CLCA2: variants seen among roughly 807,000 people sequenced by gnomAD.
The protein encoded by CLCA2 is calcium-activated chloride channel regulator 2.
Under a neutral mutation model 82.9 loss-of-function variants are expected in CLCA2, and 85 were observed. That is an observed-to-expected ratio of 1.03 (90% CI 0.86 to 1.23). The LOEUF (loss-of-function observed/expected upper bound fraction) is 1.23. CLCA2 is among the 50% of genes most tolerant of loss of function. CLCA2 has a pLI of 0.00. For missense variants in CLCA2, 1,089 were observed against 1,124.8 expected, an observed-to-expected ratio of 0.97 and a Z score of 0.45; for synonymous variants, 421 against 391.7, an observed-to-expected ratio of 1.07 and a Z score of -0.88.
At chr1:86,440,794 G>A (rs12083761) in intron 8 of CLCA2, among the ~76,000 whole-genome samples, 10,234 of 152,006 alleles carry the variant, frequency 0.067, 365 homozygotes, top group Middle Eastern at 0.12. Flanking sequence ...CCAGCTACTC[G>A]GGAGGCTGAG....
At chr1:86,429,535 G>A (rs1051491342) in intron 3 of CLCA2, among the ~76,000 whole-genome samples, 5 of 152,148 alleles carry the variant, frequency 3.3e-5, no homozygotes, top group African/African-American at 1.2e-4. Flanking sequence ...AGGGAAAGTG[G>A]TTCAGCCTGT....
At position 86,425,346 on chromosome 1, in the gene CLCA2, T is replaced by A; in HGVS notation, c.194T>A (p.Ile65Lys). 1 of 1,555,886 alleles carries A rather than the reference T, an allele frequency of 6.4e-7. No homozygotes were observed. Among genetic ancestry groups the A allele is most frequent in the Non-Finnish European group, 8.7e-7 (1 of 1,153,876 alleles). ...QNLISNIKEM[I>K]TEASFYLFNA... is the part of the protein sequence containing the mutation. Reference sequence around the variant, plus strand: ...TCTTTTGTCTGGCTGTAGGAAATGATAACTGAAGCTTCATTTTACCTATTT... The same window carrying A: ...TCTTTTGTCTGGCTGTAGGAAATGAAAACTGAAGCTTCATTTTACCTATTT... Residue 65 changes from isoleucine to lysine, a missense_variant, in exon 2 of 14, where the codon ATA (isoleucine) becomes AAA (lysine). By Grantham distance (102) the Ile-to-Lys change is moderately radical. Transcript: ENST00000370565.
chr1:86,451,165 G>A (rs906199374), intron 12 of CLCA2, among the ~76,000 whole-genome samples: 1 of 152,184 alleles, frequency 6.6e-6, no homozygotes. Flanking sequence ...AAATAAATAT[G>A]AGCTTGGGTG....
intron 12 of CLCA2, 49 bp from the exon 13 acceptor site, chr1:86,453,319 AG>A: frequency 7.0e-7 from 1 of 1,433,056 alleles, no homozygotes; most frequent in Non-Finnish European, 9.8e-7. Context: ...CAAGCTATTC[AG>A]AAGCTTTGTA....
chr1:86,450,099 G>T (rs1160802499), intron 11 of CLCA2, among the ~76,000 whole-genome samples: 1 of 152,206 alleles, frequency 6.6e-6, no homozygotes, highest in East Asian at 1.9e-4. Flanking sequence ...ATTTATTAAA[G>T]GTCCTTAATC....
chr1:86,444,814 T>G (rs1471990913), intron 10 of CLCA2, among the ~76,000 whole-genome samples: 1 of 152,160 alleles, frequency 6.6e-6, no homozygotes, highest in Non-Finnish European at 1.5e-5. Context: ...GAACTGTAAG[T>G]TGATCAGATT....
Position 86,434,748 on chromosome 1 carries a change from A to T in CLCA2, c.972+3A>T. The T allele has an allele frequency of 6.3e-7, 1 of 1,583,522 alleles. No homozygotes were observed. Among genetic ancestry groups the T allele is most frequent in the Middle Eastern group, 1.7e-4 (1 of 5,998 alleles). Reference sequence around the variant, plus strand: ...ATGTGTCCAGCAAGATGGCAGAGGTAACATTTTGAACGAAAATGAATGTAA... The same window carrying T: ...ATGTGTCCAGCAAGATGGCAGAGGTTACATTTTGAACGAAAATGAATGTAA... On this transcript the variant is annotated splice_donor_region_variant and intron_variant, in intron 6 of 13. Transcript: ENST00000370565.
At chr1:86,443,090 G>A (rs562193065) in intron 9 of CLCA2, among the ~76,000 whole-genome samples, 4 of 151,650 alleles carry the variant, frequency 2.6e-5, no homozygotes, top group South Asian at 4.2e-4. Context: ...GCAGTGGCGC[G>A]ATCTCAGCTC....
chr1:86,453,607 G>T lies in CLCA2; in HGVS notation c.2389+5G>T, dbSNP rs761707922. ...AAGACTTTGATCAGGGCCAGGGTAG[G>T]TTTGCTCATTTCATTACCTATTTTT... On this transcript the variant is annotated splice_donor_5th_base_variant and intron_variant, in intron 13 of 13. Coordinates refer to ENST00000370565, the MANE Select transcript of CLCA2 (RefSeq NM_006536.7). 6.2e-7 allele frequency: 1 copy of T among 1,611,470 alleles called. No individual in the cohort carries two copies.
At chr1:86,453,747 A>G in intron 13 of CLCA2, 145 bp downstream of exon 13, 2 of 738,226 alleles carry the variant, frequency 2.7e-6, no homozygotes, top group Non-Finnish European at 4.3e-6. Context: ...CTGGAGTCCC[A>G]GAAGGACAGT....
intron 1 of CLCA2, 129 bp downstream of exon 1, chr1:86,424,562 C>T (rs1362099176): frequency 1.4e-6 from 1 of 709,796 alleles, no homozygotes; most frequent in African/African-American, 1.8e-5. Flanking sequence ...AAAGATAGCG[C>T]CACAACGTTA....
chr1:86,456,190 C>G lies in CLCA2; in HGVS notation c.*663C>G, dbSNP rs1663074032. On this transcript the variant is annotated 3_prime_UTR_variant, in exon 14 of 14. Transcript: ENST00000370565. Reference sequence around the variant, plus strand: ...TAAGTTTCTACTCCCATCAAAGCAGCTTTCTAAGTTATTGCCTTGGTTATT... The same window carrying G: ...TAAGTTTCTACTCCCATCAAAGCAGGTTTCTAAGTTATTGCCTTGGTTATT... 6.6e-6 allele frequency: 1 copy of G among 152,158 alleles called. No homozygotes were observed. Among genetic ancestry groups the G allele is most frequent in the African/African-American group, 2.4e-5 (1 of 41,440 alleles). The allele number at this position is 152,158 out of a possible 1,614,324, so 9.4% of individuals were successfully genotyped here.
intron 6 of CLCA2, among the ~76,000 whole-genome samples, chr1:86,437,208 T>C (rs1331766225): frequency 1.3e-5 from 2 of 152,178 alleles, no homozygotes; most frequent in Non-Finnish European, 2.9e-5. Flanking sequence ...AACAACGTCA[T>C]TGAACCATTA....
intron 3 of CLCA2, 108 bp downstream of exon 3, chr1:86,428,676 T>TA: frequency 7.6e-7 from 1 of 1,318,928 alleles, no homozygotes; most frequent in Non-Finnish European, 1.0e-6. Context: ...GTCAAGGACT[T>TA]ACCACTCAAA....
rs778468617 is a variant in CLCA2 at position 86,439,055 on chromosome 1, A to G, written c.1152A>G (p.Val384=). 3.1e-6 allele frequency: 5 copies of G among 1,614,152 alleles called. No individual in the cohort carries two copies. In the South Asian group the frequency reaches 5.5e-5, roughly 18 times the overall value. The change falls in exon 7 of 14, where the codon GTA becomes GTG. Residue 384 remains valine, a synonymous_variant. Coordinates refer to ENST00000370565, the MANE Select transcript of CLCA2 (RefSeq NM_006536.7). ...TGGTTTCATATCTGCCCACCACTGT[A>G]TCAGCTAAAACAGACATCAGCATTT... The part of the protein sequence containing the change: ...KLLVSYLPTT[V]SAKTDISICS...
At position 86,443,884 on chromosome 1, in the gene CLCA2, C is replaced by T. The variant is rs763764816; in HGVS notation, c.1586C>T (p.Thr529Met). 103 of 1,613,664 alleles carry T rather than the reference C, an allele frequency of 6.4e-5. No individual in the cohort carries two copies. The highest frequency in any genetic ancestry group is 7.6e-5 in the Non-Finnish European group (90 of 1,179,704). ...TVGNDTMFLV[T>M]WQASGPPEII... ...GGCAACGACACTATGTTTCTAGTTA[C>T]GTGGCAGGCCAGTGGTCCTCCTGAG... is the stretch of plus-strand genomic sequence containing the variant. Residue 529 changes from threonine to methionine, a missense_variant, in exon 10 of 14, where the codon ACG becomes ATG. Physicochemically the swap from Thr to Met is moderately conservative, Grantham distance 81 (BLOSUM62 -1). Coordinates refer to ENST00000370565, the MANE Select transcript of CLCA2 (RefSeq NM_006536.7).
At chr1:86,441,682 G>A in intron 9 of CLCA2, 139 bp downstream of exon 9, 1 of 557,676 alleles carries the variant, frequency 1.8e-6, no homozygotes, top group East Asian at 3.0e-5. Flanking sequence ...GCTTTTAAAA[G>A]GCTGCTTGGC....
At chr1:86,432,661 T>G in intron 5 of CLCA2, 133 bp downstream of exon 5, 2 of 1,039,138 alleles carry the variant, frequency 1.9e-6, no homozygotes, top group Non-Finnish European at 2.7e-6. Flanking sequence ...ATCTAGTTTT[T>G]ATCTACAGAT....
At chr1:86,431,774 T>G (rs1054953940) in intron 4 of CLCA2, among the ~76,000 whole-genome samples, 1 of 152,218 alleles carries the variant, frequency 6.6e-6, no homozygotes, top group Non-Finnish European at 1.5e-5. Flanking sequence ...CATCTGGATT[T>G]CCTAGTATCT....
Sources: gnomAD v4.1 joint callset for allele counts (sites outside exome capture counted in the v4.1 genomes callset) on GRCh38, gnomAD v4.1.1 for gene constraint, MANE v1.5 for transcripts, NCBI Gene and HGNC (gene_info 2026-07-23, HGNC 2026-07-21) for gene names.